INSR: variants seen among roughly 807,000 people sequenced by gnomAD.
INSR encodes the protein insulin receptor.
In INSR, 67 loss-of-function variants were observed where a neutral mutation model predicts 142.6. The ratio of observed to expected loss-of-function variants is 0.47; its 90% CI spans 0.39 to 0.58. The LOEUF is 0.58. Ranked by LOEUF, INSR falls within the 20% of genes least tolerant of loss-of-function variation. The probability of loss-of-function intolerance (pLI) is 0.00; values close to 1 mark genes in which losing one functional copy is unlikely to be tolerated. For synonymous variants in INSR, 756 were observed against 743.1 expected (o/e 1.02, Z -0.28); for missense variants, 1,248 against 1,833.2 (o/e 0.68, Z 5.83).
intron 2 of INSR, among the ~76,000 whole-genome samples, chr19:7,185,841 CA>C (rs754262409): frequency 1.7e-3 from 75 of 45,052 alleles, no homozygotes; most frequent in East Asian, 5.8e-3. Flanking sequence ...AAAATTCTGT[CA>C]AAAAAAAAAA....
chr19:7,248,291 G>A (rs909292268), intron 2 of INSR, among the ~76,000 whole-genome samples: 20 of 149,926 alleles, frequency 1.3e-4, no homozygotes, highest in Admixed American at 3.3e-4. Flanking sequence ...GACTACAGGC[G>A]TGCACCACCG....
At chr19:7,259,090 G>A (rs138302902) in intron 2 of INSR, among the ~76,000 whole-genome samples, 11 of 7,068 alleles carry the variant, frequency 1.6e-3, no homozygotes, top group South Asian at 6.7e-3. Flanking sequence ...TTTCCTTCCC[G>A]CCTTCCCTCC....
intron 3 of INSR, among the ~76,000 whole-genome samples, chr19:7,176,012 G>A (rs1172486947): frequency 6.6e-6 from 1 of 152,076 alleles, no homozygotes; most frequent in Non-Finnish European, 1.5e-5. Context: ...AAAGTGATGG[G>A]ACAGGACTCC....
In INSR at chr19:7,216,879, A is replaced by G. The variant is rs559821060; in HGVS notation, c.653-32242T>C. On this transcript the variant is annotated intron_variant, in intron 2 of 21. Transcript: ENST00000302850. This position sits in a 1 kb window ranked among gnomAD's most constrained non-coding sequence, Gnocchi z 4.2. ...TAGGCTGGAGTGCAATGGTGCAATC[A>G]TGGCTCACTGCAGCCTCGAACTCCT... Among the ~76,000 whole-genome samples the G allele has an allele frequency of 2.6e-5, 4 of 152,096 alleles. No homozygotes were observed. Among genetic ancestry groups the G allele is most frequent in the East Asian group, 3.9e-4 (2 of 5,182 alleles).
chr19:7,162,900 T>G, intron 9 of INSR, 132 bp downstream of exon 9: 1 of 762,130 alleles, frequency 1.3e-6, no homozygotes, highest in Non-Finnish European at 2.4e-6. Flanking sequence ...TGAGATAGAA[T>G]GGAGTGTGTG....
chr19:7,211,414 C>T (rs1975271334), intron 2 of INSR, among the ~76,000 whole-genome samples: 1 of 152,156 alleles, frequency 6.6e-6, no homozygotes, highest in South Asian at 2.1e-4. Context: ...GTGACGCTGT[C>T]ATCCCACTGC....
chr19:7,139,979 C>T (rs1403632157), intron 13 of INSR, among the ~76,000 whole-genome samples: 1 of 152,122 alleles, frequency 6.6e-6, no homozygotes, highest in Non-Finnish European at 1.5e-5. Flanking sequence ...AGGCGCCCAC[C>T]ATTACGTCCA....
In INSR at chr19:7,123,097, A is replaced by T. The variant is rs528787441; in HGVS notation, c.3259-108T>A. On this transcript the variant is annotated intron_variant, in intron 17 of 21. Transcript: ENST00000302850. ...TCACACACAGCACCCTGTGGCCTGG[A>T]TGCAGCGTGCTCAGCCCTGGTCTAG... 1.0e-3 allele frequency: 840 copies of T among 816,460 alleles called. 9 individuals carry two copies. In the South Asian group the frequency reaches 0.012, roughly 12 times the overall value. The allele number at this position is 816,460 out of a possible 1,614,324, so 50.6% of individuals were successfully genotyped here.
chr19:7,214,391 G>A (rs952104459), intron 2 of INSR, among the ~76,000 whole-genome samples: 5 of 152,204 alleles, frequency 3.3e-5, no homozygotes, highest in African/African-American at 9.7e-5. Context: ...CTAGGCCGCC[G>A]ACTGCCTAAC....
chr19:7,142,389 C>CAAAAAAAAAAAAA lies in INSR; in HGVS notation c.2542+414_2542+426dup, dbSNP rs34453877. On this transcript the variant is annotated intron_variant, in intron 12 of 21. Transcript: ENST00000302850. ...TGGGCGACAGAGCAAGACTTCATCT[C>CAAAAAAAAAAAAA]AAAAAAAAAAAAAAAAAAAAAAAAG... is the stretch of plus-strand genomic sequence containing the variant. 2.1e-4 allele frequency among the ~76,000 whole-genome samples: 9 copies of CAAAAAAAAAAAAA among 42,142 alleles called. No homozygotes were observed. In the East Asian group the frequency reaches 6.1e-3, roughly 29 times the overall value. 27.6% of individuals were successfully genotyped at this position (42,142 alleles called of 152,430 possible).
At chr19:7,121,314 G>A (rs1376029446) in intron 19 of INSR, among the ~76,000 whole-genome samples, 2 of 151,846 alleles carry the variant, frequency 1.3e-5, no homozygotes, top group East Asian at 3.9e-4. Flanking sequence ...ATGTCTTTTT[G>A]AGTCATAAAT....
In INSR at chr19:7,267,869, T is replaced by C. The variant is rs144718517; in HGVS notation, c.128A>G (p.Asn43Ser). Residue 43 changes from asparagine to serine, a missense_variant, in exon 2 of 22, where the codon AAC (asparagine) becomes AGC (serine). Around this residue, in one of 3 missense-constraint regions of INSR, gnomAD observed 1,069 missense variants for 1,654.0 expected, o/e 0.65. Transcript: ENST00000302850. This position sits in a 1 kb window ranked among gnomAD's most constrained non-coding sequence, Gnocchi z 6.3. ...EVCPGMDIRNNLTRLHELENC... is the reference protein window; with the variant it reads ...EVCPGMDIRNSLTRLHELENC... The stretch of plus-strand genomic sequence containing the variant: ...CTCCAGCTCATGCAACCTAGTGAGG[T>C]TGTTCCGGATATCCATGCCGGGACA... 12 of 1,613,826 alleles carry C rather than the reference T, an allele frequency of 7.4e-6. No individual in the cohort carries two copies. The African/African-American group carries it at 1.6e-4, about 22-fold the overall frequency.
chr19:7,203,004 T>TTG, intron 2 of INSR, among the ~76,000 whole-genome samples: 1 of 96,022 alleles, frequency 1.0e-5, no homozygotes, highest in African/African-American at 4.5e-5. Flanking sequence ...TTGTTTTTTT[T>TTG]TTTTTTTTTT....
intron 2 of INSR, among the ~76,000 whole-genome samples, chr19:7,190,602 C>T (rs1420218124): frequency 6.6e-6 from 1 of 152,062 alleles, no homozygotes; most frequent in Non-Finnish European, 1.5e-5. Context: ...GAACTCCTGA[C>T]CTCGGGATCC....
At chr19:7,184,913 A>T (rs1406372979) in intron 2 of INSR, among the ~76,000 whole-genome samples, 1 of 152,176 alleles carries the variant, frequency 6.6e-6, no homozygotes, top group African/African-American at 2.4e-5. Context: ...GCCCAGATTT[A>T]TATAGCATTT....
At chr19:7,170,012 A>C (rs1491003678) in intron 6 of INSR, among the ~76,000 whole-genome samples, 1 of 152,166 alleles carries the variant, frequency 6.6e-6, no homozygotes, top group Non-Finnish European at 1.5e-5. Flanking sequence ...AGGGGTCCCC[A>C]GCCCCTGGGC....
intron 2 of INSR, among the ~76,000 whole-genome samples, chr19:7,187,963 T>C (rs1041572301): frequency 2.0e-5 from 3 of 152,016 alleles, no homozygotes; most frequent in Non-Finnish European, 4.4e-5. Flanking sequence ...CTACAGGCCT[T>C]GGGGGGTCTA....
chr19:7,219,604 AAGGGAGGGAGGGAAGG>A (rs1975549446), intron 2 of INSR, among the ~76,000 whole-genome samples: 2 of 117,324 alleles, frequency 1.7e-5, no homozygotes, highest in Non-Finnish European at 3.5e-5. Context: ...AGAAGGAAGG[AAGGGAGGGAGGGAAGG>A]AGGGAGGGAA....
intron 9 of INSR, 102 bp from the exon 10 acceptor site, chr19:7,153,029 C>T (rs1973427325): frequency 4.3e-6 from 2 of 463,040 alleles, no homozygotes; most frequent in Non-Finnish European, 3.6e-6. Context: ...ACACACACCA[C>T]ACACACACAC....
Sources: allele counts gnomAD v4.1 joint callset (sites outside exome capture counted in the v4.1 genomes callset), GRCh38; gene constraint gnomAD v4.1.1; regional missense constraint gnomAD v4.1.1; non-coding constraint Gnocchi (gnomAD v3.1); transcripts MANE v1.5; gene names NCBI Gene and HGNC (gene_info 2026-07-23, HGNC 2026-07-21).